The following ZFHX4 variants were observed in gnomAD, a reference collection of about 807,000 sequenced individuals.
ZFHX4 encodes the protein zinc finger homeobox protein 4.
In ZFHX4, 56 loss-of-function variants were observed where a neutral mutation model predicts 267.6. The observed-to-expected ratio is 0.21, with a 90% CI of 0.17 to 0.26. The LOEUF (loss-of-function observed/expected upper bound fraction) is 0.26. Ranked by LOEUF, ZFHX4 falls within the 10% of genes least tolerant of loss-of-function variation. ZFHX4 has a pLI of 1.00. For synonymous variants in ZFHX4, 1,778 were observed against 1,665.6 expected (o/e 1.07, Z -1.64); for missense variants, 4,332 against 4,420.0 (o/e 0.98, Z 0.56).
At chr8:76,738,242 G>A (rs1471239184) in intron 3 of ZFHX4, among the ~76,000 whole-genome samples, 1 of 152,146 alleles carries the variant, frequency 6.6e-6, no homozygotes, top group Non-Finnish European at 1.5e-5. Flanking sequence ...CCCCCATTAA[G>A]ATCCTGAGGC....
chr8:76,823,040 T>C (rs1346753413), intron 4 of ZFHX4, among the ~76,000 whole-genome samples: 3 of 152,142 alleles, frequency 2.0e-5, no homozygotes. Context: ...TAACATTTCT[T>C]TTCTCTCCAG....
chr8:76,797,726 G>T (rs1811013133), intron 4 of ZFHX4, among the ~76,000 whole-genome samples: 1 of 152,140 alleles, frequency 6.6e-6, no homozygotes, highest in South Asian at 2.1e-4. Flanking sequence ...TTAGAAAGGT[G>T]GCAGAAAATG....
In ZFHX4 at chr8:76,708,007, A is replaced by T; in HGVS notation, c.3052A>T (p.Thr1018Ser). ...CAGTGTGGATAAATTACGCTTGCAT[A>T]CCACCAATCACAGGCACGAGGCGGC... ...TNSVDKLRLHTTNHRHEAALK... is the reference protein window; with the variant it reads ...TNSVDKLRLHSTNHRHEAALK... The change falls in exon 3 of 11, where the codon ACC becomes TCC. Residue 1018 changes from threonine (T) to serine (S), a missense_variant. Transcript: ENST00000651372. The T allele has an allele frequency of 6.2e-7, 1 of 1,613,920 alleles. No homozygotes were observed. Among genetic ancestry groups the T allele is most frequent in the Non-Finnish European group, 8.5e-7 (1 of 1,179,898 alleles).
At chr8:76,804,179 G>A (rs1811190067) in intron 4 of ZFHX4, among the ~76,000 whole-genome samples, 2 of 152,006 alleles carry the variant, frequency 1.3e-5, no homozygotes, top group African/African-American at 4.8e-5. Context: ...TTAACATCAG[G>A]TAATTTGTGA....
At chr8:76,684,731 C>T (rs1807648517) in intron 1 of ZFHX4, among the ~76,000 whole-genome samples, 1 of 152,166 alleles carries the variant, frequency 6.6e-6, no homozygotes, top group African/African-American at 2.4e-5. Context: ...ATGAGGCAAA[C>T]ATGTTCAGTG....
At chr8:76,775,187 A>G (rs1473020336) in intron 3 of ZFHX4, among the ~76,000 whole-genome samples, 2 of 152,224 alleles carry the variant, frequency 1.3e-5, no homozygotes, top group African/African-American at 2.4e-5. Flanking sequence ...CAGCTGCTTG[A>G]TAACTTACTA....
intron 3 of ZFHX4, among the ~76,000 whole-genome samples, chr8:76,772,381 CTATT>C (rs1268900065): frequency 6.6e-6 from 1 of 152,106 alleles, no homozygotes; most frequent in Admixed American, 6.6e-5. Flanking sequence ...TGAGAGTTGT[CTATT>C]TATGAATACT....
chr8:76,750,898 T>A (rs1809596743), intron 3 of ZFHX4, among the ~76,000 whole-genome samples: 1 of 152,268 alleles, frequency 6.6e-6, no homozygotes, highest in Admixed American at 6.5e-5. Flanking sequence ...GCATAAACTT[T>A]CAAGAGAACG....
Position 76,852,152 on chromosome 8 carries a change from C to T in ZFHX4, c.5231C>T (p.Pro1744Leu). ...CAGTTTCTCTTTCCATTTTATATAC[C>T]TGGGACGGAGTTCAGCTTGGGGCCA... ...QPQFLFPFYIPGTEFSLGPDL... is the reference protein window; with the variant it reads ...QPQFLFPFYILGTEFSLGPDL... Residue 1744 changes from proline (P) to leucine (L), a missense_variant, in exon 10 of 11, where the codon CCT becomes CTT. This residue lies in a region of ZFHX4 where 1,371 missense variants were observed against 1,423.1 expected (regional missense o/e 0.96). Coordinates refer to ENST00000651372, the MANE Select transcript of ZFHX4 (RefSeq NM_024721.5). The T allele has an allele frequency of 6.2e-7, 1 of 1,613,918 alleles. No homozygotes were observed. The highest frequency in any genetic ancestry group is 8.5e-7 in the Non-Finnish European group (1 of 1,179,854).
At chr8:76,792,601 T>C (rs1443828810) in intron 4 of ZFHX4, among the ~76,000 whole-genome samples, 1 of 152,192 alleles carries the variant, frequency 6.6e-6, no homozygotes, top group Non-Finnish European at 1.5e-5. Flanking sequence ...GGTCCAATAA[T>C]AGATCCTTAA....
At chr8:76,823,025 C>T (rs953485854) in intron 4 of ZFHX4, among the ~76,000 whole-genome samples, 3 of 151,948 alleles carry the variant, frequency 2.0e-5, no homozygotes, top group Admixed American at 2.0e-4. Flanking sequence ...TAATCTTGGA[C>T]TTTTTAACAT....
At chr8:76,785,560 A>G (rs1810665071) in intron 4 of ZFHX4, among the ~76,000 whole-genome samples, 1 of 152,170 alleles carries the variant, frequency 6.6e-6, no homozygotes, top group African/African-American at 2.4e-5. Flanking sequence ...GAAGCGTAAT[A>G]CAAAGGCTAA....
intron 7 of ZFHX4, 83 bp downstream of exon 7, chr8:76,849,211 G>A: frequency 7.0e-7 from 1 of 1,431,974 alleles, no homozygotes; most frequent in East Asian, 2.5e-5. Flanking sequence ...ATGATTCCAT[G>A]CTGTTGAAAT....
chr8:76,825,440 T>C (rs1811759248), intron 4 of ZFHX4, among the ~76,000 whole-genome samples: 1 of 152,254 alleles, frequency 6.6e-6, no homozygotes, highest in Non-Finnish European at 1.5e-5. Context: ...TCTTCCTTGC[T>C]CGAAGAGCAG....
At chr8:76,764,516 T>A (rs1810001620) in intron 3 of ZFHX4, among the ~76,000 whole-genome samples, 1 of 152,150 alleles carries the variant, frequency 6.6e-6, no homozygotes, top group African/African-American at 2.4e-5. Context: ...TCCATCCTTG[T>A]GGGTTATTGA....
At chr8:76,764,420 T>C (rs748265824) in intron 3 of ZFHX4, among the ~76,000 whole-genome samples, 5 of 152,278 alleles carry the variant, frequency 3.3e-5, no homozygotes, top group Non-Finnish European at 5.9e-5. Context: ...AGAGAAATTA[T>C]AGAGAGATCA....
intron 3 of ZFHX4, among the ~76,000 whole-genome samples, chr8:76,766,257 T>G (rs929088130): frequency 6.6e-6 from 1 of 152,132 alleles, no homozygotes; most frequent in Admixed American, 6.6e-5. Context: ...CAAAATATGC[T>G]CTAATGTCTT....
chr8:76,746,265 G>A (rs1245516196), intron 3 of ZFHX4, among the ~76,000 whole-genome samples: 1 of 152,020 alleles, frequency 6.6e-6, no homozygotes, highest in Non-Finnish European at 1.5e-5. Flanking sequence ...AAATTAGCTG[G>A]GTATGGTTGT....
intron 3 of ZFHX4, among the ~76,000 whole-genome samples, chr8:76,746,256 A>T (rs1170311693): frequency 6.6e-6 from 1 of 152,142 alleles, no homozygotes; most frequent in Non-Finnish European, 1.5e-5. Flanking sequence ...AAATTAAAAA[A>T]ATTAGCTGGG....
Sources: allele counts gnomAD v4.1 joint callset (sites outside exome capture counted in the v4.1 genomes callset), GRCh38; gene constraint gnomAD v4.1.1; regional missense constraint gnomAD v4.1.1; transcripts MANE v1.5; gene names NCBI Gene and HGNC (gene_info 2026-07-23, HGNC 2026-07-21).